NBPF19: variants seen among roughly 807,000 people sequenced by gnomAD.
NBPF19 encodes the protein NBPF family member NBPF19.
A neutral mutation model predicts 45.9 loss-of-function variants in NBPF19; 30 were observed. The observed-to-expected ratio is 0.65, with a 90% CI of 0.49 to 0.89. The LOEUF is 0.89. Among genes scored for constraint, NBPF19 ranks in the 40% least tolerant of loss-of-function variants. NBPF19 has a pLI of 0.00. For missense variants in NBPF19, 495 were observed against 471.8 expected, an observed-to-expected ratio of 1.05 and a Z score of -0.46; for synonymous variants, 183 against 181.2, an observed-to-expected ratio of 1.01 and a Z score of -0.08.
In NBPF19 at chr1:149,479,205, C is replaced by T. The variant is rs1203214819; in HGVS notation, c.493+111C>T. On this transcript the variant is annotated intron_variant, in intron 4 of 93. Transcript: ENST00000651566. ...TCAGTGGGGTTTTTTTCTACTACAC[C>T]TATGTGGCCATGACATGATCAGGAC... is the stretch of plus-strand genomic sequence containing the variant. 7.0e-5 allele frequency: 102 copies of T among 1,459,470 alleles called. No individual in the cohort carries two copies. In the African/African-American group the frequency reaches 1.3e-3, roughly 18 times the overall value. The allele number at this position is 1,459,470 out of a possible 1,614,324, so 90.4% of individuals were successfully genotyped here.
chr1:149,554,830 C>G lies in NBPF19; in HGVS notation c.*92C>G. The G allele has an allele frequency of 6.3e-7, 1 of 1,588,998 alleles. No homozygotes were observed. The highest frequency in any genetic ancestry group is 8.6e-7 in the Non-Finnish European group (1 of 1,163,426). On this transcript the variant is annotated 3_prime_UTR_variant, in exon 94 of 94. Transcript: ENST00000651566. Reference sequence around the variant, plus strand: ...ATGAAACTACAGTTCCATTTGGAAGCCCAGACATAGGATGGGTCAGTGGGC... The same window carrying G: ...ATGAAACTACAGTTCCATTTGGAAGGCCAGACATAGGATGGGTCAGTGGGC...
In NBPF19 at chr1:149,478,063, G is replaced by C. The variant is rs1231811427; in HGVS notation, c.278+16G>C. 1.6e-5 allele frequency: 25 copies of C among 1,566,246 alleles called. No individual in the cohort carries two copies. Among genetic ancestry groups the C allele is most frequent in the South Asian group, 8.8e-5 (8 of 90,492 alleles). ...AGGAGCTCAGGTGAGGGGACCCCGT[G>C]GGGGGAGGGCAGGCGGGTAGGTGTG... On this transcript the variant is annotated intron_variant, in intron 3 of 93. Coordinates refer to ENST00000651566, the MANE Select transcript of NBPF19 (RefSeq NM_001351365.2).
rs1422369813 is a variant in NBPF19, at chr1:149,487,725, C to A, written c.1041-288C>A. The stretch of plus-strand genomic sequence containing the variant: ...TCCTGAGAGCACAAATACAGAGTGT[C>A]CTTTGACTCCCTCATCAGTGTGTCA... On this transcript the variant is annotated intron_variant, in intron 9 of 93. Coordinates refer to ENST00000651566, the MANE Select transcript of NBPF19 (RefSeq NM_001351365.2). Among the ~76,000 whole-genome samples the A allele has an allele frequency of 6.7e-5, 10 of 149,248 alleles. No individual in the cohort carries two copies. In the South Asian group the frequency reaches 1.9e-3, roughly 29 times the overall value.
At position 149,487,399 on chromosome 1, in the gene NBPF19, T is replaced by A. The variant is rs1425299120; in HGVS notation, c.1040+16T>A. The A allele has an allele frequency of 7.2e-7, 1 of 1,397,700 alleles. No homozygotes were observed. Among genetic ancestry groups the A allele is most frequent in the African/African-American group, 1.4e-5 (1 of 70,128 alleles). The allele number at this position is 1,397,700 out of a possible 1,614,324, so 86.6% of individuals were successfully genotyped here. A position where few individuals can be genotyped will look rare whatever the true frequency, so the allele number is the denominator to read the frequency against. ...CAGGTCCCAGGTGAGTCTGAGAAAT[T>A]GTGGACAGTTAATTTGATGTTGACA... On this transcript the variant is annotated intron_variant, in intron 9 of 93. Transcript: ENST00000651566.
chr1:149,483,714 A>T (rs1348887464), intron 7 of NBPF19, among the ~76,000 whole-genome samples: 9 of 99,848 alleles, frequency 9.0e-5, no homozygotes, highest in Non-Finnish European at 1.8e-4. Flanking sequence ...GAGCTCTTGT[A>T]AGGCAGGCCT....
At position 149,488,098 on chromosome 1, in the gene NBPF19, C is replaced by A; in HGVS notation, c.1126C>A (p.Leu376Ile). 1 of 664,348 alleles carries A rather than the reference C, an allele frequency of 1.5e-6. No individual in the cohort carries two copies. 41.2% of individuals were successfully genotyped at this position (664,348 alleles called of 1,614,324 possible). The change falls in exon 10 of 94, where the codon CTT becomes ATT. Residue 376 changes from leucine to isoleucine, a missense_variant. Leu to Ile is a conservative substitution (Grantham distance 5). Transcript: ENST00000651566. ...DRCYSTPSGC[L>I]ELTDSCQPYR... is the part of the protein sequence containing the mutation. ...ATGTTATTCAACTCCTTCAGGTTGT[C>A]TTGAACTGACTGACTCATGCCAGCC...
chr1:149,497,300 CTCTCTG>C (rs2086094950), intron 21 of NBPF19, among the ~76,000 whole-genome samples: 1 of 22,212 alleles, frequency 4.5e-5, no homozygotes, highest in African/African-American at 4.5e-4. Flanking sequence ...CTCTGTCTCT[CTCTCTG>C]TCTCTGTCTC....
intron 17 of NBPF19, 118 bp downstream of exon 17, chr1:149,493,829 T>G: frequency 6.3e-6 from 1 of 158,312 alleles, no homozygotes; most frequent in Non-Finnish European, 1.1e-5. Flanking sequence ...TTACTCCTAC[T>G]GACATGGCTG....
At chr1:149,488,307 C>G (rs1268619762) in intron 10 of NBPF19, 122 bp downstream of exon 10, 2 of 592,232 alleles carry the variant, frequency 3.4e-6, no homozygotes, top group East Asian at 6.4e-5. Flanking sequence ...GACCTATAGG[C>G]ACATGTAGGT....
chr1:149,479,849 G>C lies in NBPF19; in HGVS notation c.494-293G>C, dbSNP rs1180099937. ...CTGGGAATCAGATCTGGCAGGATGG[G>C]GGAGACAGCTGCCAACGTCCAGAGA... On this transcript the variant is annotated intron_variant, in intron 4 of 93. Coordinates refer to ENST00000651566, the MANE Select transcript of NBPF19 (RefSeq NM_001351365.2). 1.8e-3 allele frequency among the ~76,000 whole-genome samples: 270 copies of C among 150,744 alleles called. 3 individuals carry two copies. Among genetic ancestry groups the C allele is most frequent in the Non-Finnish European group, 5.2e-4 (35 of 67,472 alleles).
intron 9 of NBPF19, among the ~76,000 whole-genome samples, chr1:149,487,625 A>G (rs1382681031): frequency 6.6e-6 from 1 of 150,544 alleles, no homozygotes; most frequent in Non-Finnish European, 1.5e-5. Flanking sequence ...TCTCATGGTA[A>G]CTGCAGGGAA....
chr1:149,554,492 C>G lies in NBPF19; in HGVS notation c.11289-3C>G, dbSNP rs2101733052. The G allele has an allele frequency of 2.5e-6, 4 of 1,608,010 alleles. No individual in the cohort carries two copies. The highest frequency in any genetic ancestry group is 2.2e-5 in the South Asian group (2 of 90,876). On this transcript the variant is annotated splice_polypyrimidine_tract_variant and splice_region_variant and intron_variant, in intron 93 of 93. Coordinates refer to ENST00000651566, the MANE Select transcript of NBPF19 (RefSeq NM_001351365.2). ...GCTTCTTTAGTTTTGTCTCCTTTTC[C>G]AGGCTCAACAGCGTGCTGATGGAAG...
Position 149,477,973 on chromosome 1 carries a change from A to C in NBPF19, c.204A>C (p.Lys68Asn). Residue 68 changes from lysine (K) to asparagine (N), a missense_variant, in exon 3 of 94, where the codon AAA becomes AAC. By Grantham distance (94) the Lys-to-Asn change is moderately conservative. Transcript: ENST00000651566. ...YKYEECKDLI[K>N]FMLRNERQFK... ...ATGAAGAGTGTAAAGACCTCATAAA[A>C]TTTATGCTGAGGAATGAGCGACAGT... is the stretch of plus-strand genomic sequence containing the variant. 6.8e-7 allele frequency: 1 copy of C among 1,479,696 alleles called. No individual in the cohort carries two copies. The highest frequency in any genetic ancestry group is 1.7e-5 in the Admixed American group (1 of 59,658). The allele number at this position is 1,479,696 out of a possible 1,614,324, so 91.7% of individuals were successfully genotyped here.
chr1:149,486,721 G>C (rs1570976417), intron 8 of NBPF19, among the ~76,000 whole-genome samples: 1 of 151,234 alleles, frequency 6.6e-6, no homozygotes, highest in Admixed American at 6.6e-5. Context: ...TGTCACCCTT[G>C]TCTACCTCTC....
rs1238777823 is a variant in NBPF19 at position 149,554,742 on chromosome 1, G to A, written c.*4G>A. ...GTTAGTCATATTCCCACAATAGGCAGCCCTTACTAAGCCGAGAGATGTCAT... is the reference window on the plus strand; with the variant it reads ...GTTAGTCATATTCCCACAATAGGCAACCCTTACTAAGCCGAGAGATGTCAT... On this transcript the variant is annotated 3_prime_UTR_variant, in exon 94 of 94. Transcript: ENST00000651566. 22 of 1,607,940 alleles carry A rather than the reference G, an allele frequency of 1.4e-5. 2 individuals carry two copies. The highest frequency in any genetic ancestry group is 1.8e-5 in the Non-Finnish European group (21 of 1,176,560).
chr1:149,477,422 C>G (rs1264886224), intron 2 of NBPF19, among the ~76,000 whole-genome samples: 2 of 151,222 alleles, frequency 1.3e-5, no homozygotes, highest in Non-Finnish European at 3.0e-5. Flanking sequence ...TGTCTTATAT[C>G]TCACACTTTA....
At chr1:149,477,613 T>C (rs1254244476) in intron 2 of NBPF19, among the ~76,000 whole-genome samples, 13 of 151,396 alleles carry the variant, frequency 8.6e-5, no homozygotes, top group Non-Finnish European at 1.3e-4. Flanking sequence ...TGCAGTGTTT[T>C]AGAGGAGAGG....
rs2084945425 is a variant in NBPF19, at chr1:149,478,048, G to A, written c.278+1G>A. The stretch of plus-strand genomic sequence containing the variant: ...AGCTGAAGCAAGCTGAGGAGCTCAG[G>A]TGAGGGGACCCCGTGGGGGGAGGGC... On this transcript the variant is annotated splice_donor_variant, in intron 3 of 93. Transcript: ENST00000651566. LOFTEE classifies it high-confidence loss of function. 2 of 1,564,094 alleles carry A rather than the reference G, an allele frequency of 1.3e-6. No homozygotes were observed. Among genetic ancestry groups the A allele is most frequent in the Admixed American group, 1.7e-5 (1 of 59,814 alleles).
intron 7 of NBPF19, among the ~76,000 whole-genome samples, chr1:149,484,366 A>G: frequency 8.1e-6 from 1 of 123,074 alleles, no homozygotes. Context: ...GGGAGGGAGG[A>G]GGGGTAGCAT....
Sources: gnomAD v4.1 joint callset for allele counts (sites outside exome capture counted in the v4.1 genomes callset) on GRCh38, gnomAD v4.1.1 for gene constraint, MANE v1.5 for transcripts, NCBI Gene and HGNC (gene_info 2026-07-23, HGNC 2026-07-21) for gene names.